The following MAPK8IP2 variants were observed in gnomAD, a reference collection of about 807,000 sequenced individuals.
The protein encoded by MAPK8IP2 is mitogen-activated protein kinase 8 interacting protein 2.
Under a neutral mutation model 75.6 loss-of-function variants are expected in MAPK8IP2, and 15 were observed. The ratio of observed to expected loss-of-function variants is 0.20; its 90% CI spans 0.13 to 0.31. MAPK8IP2 has a LOEUF of 0.31. MAPK8IP2 is among the 10% of genes least tolerant of loss of function. The probability of loss-of-function intolerance (pLI) is 1.00; values close to 1 mark genes in which losing one functional copy is unlikely to be tolerated. For missense variants in MAPK8IP2, 1,089 were observed against 1,211.2 expected (o/e 0.90, Z 1.50); for synonymous variants, 632 against 554.5 (o/e 1.14, Z -1.96).
At chr22:50,603,567 C>T (rs1346992850) in intron 3 of MAPK8IP2, 59 bp from the exon 4 acceptor site, 4 of 1,580,602 alleles carry the variant, frequency 2.5e-6, no homozygotes, top group African/African-American at 1.3e-5. Flanking sequence ...GCAGCCAGCC[C>T]TGCTCACCCC....
At chr22:50,606,573 G>T (rs1421343528) in intron 8 of MAPK8IP2, 85 bp from the exon 9 acceptor site, 2 of 916,138 alleles carry the variant, frequency 2.2e-6, no homozygotes, top group African/African-American at 3.3e-5. Context: ...TAAGCTAAAA[G>T]GAGCAGAGGC....
intron 8 of MAPK8IP2, 47 bp downstream of exon 8, chr22:50,605,981 G>C: frequency 7.0e-7 from 1 of 1,423,966 alleles, no homozygotes. Flanking sequence ...CCGCTTGGCG[G>C]CCACACCAGC....
At chr22:50,602,251 C>T (rs1174941088) in intron 2 of MAPK8IP2, among the ~76,000 whole-genome samples, 2 of 152,218 alleles carry the variant, frequency 1.3e-5, no homozygotes, top group African/African-American at 4.8e-5. Flanking sequence ...CAGCCCTGTG[C>T]CCTCGTCTGC....
In MAPK8IP2 at chr22:50,605,544, C is replaced by T. The variant is rs554565141; in HGVS notation, c.1842-18C>T. The T allele has an allele frequency of 8.6e-7, 1 of 1,163,290 alleles. No individual in the cohort carries two copies. The highest frequency in any genetic ancestry group is 1.2e-5 in the South Asian group (1 of 80,416). The allele number at this position is 1,163,290 out of a possible 1,614,324, so 72.1% of individuals were successfully genotyped here. A position where few individuals can be genotyped will look rare whatever the true frequency, so the allele number is the denominator to read the frequency against. On this transcript the variant is annotated intron_variant, in intron 6 of 11. Transcript: ENST00000329492. Reference sequence around the variant, plus strand: ...TCAATCCCGCCCCCCTCCCCAGTGACCTCTCCCCCAACGGCAGGTTCATCC... The same window carrying T: ...TCAATCCCGCCCCCCTCCCCAGTGATCTCTCCCCCAACGGCAGGTTCATCC...
rs766821323 is a variant in MAPK8IP2, at chr22:50,600,830, C to G, written c.12C>G (p.Arg4=). 3 of 1,300,456 alleles carry G rather than the reference C, an allele frequency of 2.3e-6. No individual in the cohort carries two copies. Among genetic ancestry groups the G allele is most frequent in the South Asian group, 2.7e-5 (2 of 72,732 alleles). 80.6% of individuals were successfully genotyped at this position (1,300,456 alleles called of 1,614,324 possible). A position where few individuals can be genotyped will look rare whatever the true frequency, so the allele number is the denominator to read the frequency against. ...CTCTCCCGGAGAAGATGGCGGATCG[C>G]GCGGAGATGTTTTCTCTCTCCACCT... MAD[R]AEMFSLSTFH... Residue 4 remains arginine, a synonymous_variant, in exon 1 of 12, where the codon CGC becomes CGG. Coordinates refer to ENST00000329492, the MANE Select transcript of MAPK8IP2 (RefSeq NM_012324.6).
chr22:50,605,242 C>T (rs968120153), intron 5 of MAPK8IP2, 126 bp from the exon 6 acceptor site: 4 of 1,133,554 alleles, frequency 3.5e-6, no homozygotes, highest in South Asian at 2.8e-5. Flanking sequence ...TCAGCTCCTT[C>T]CCGCTCGTAG....
At chr22:50,605,530 C>A in intron 6 of MAPK8IP2, 32 bp from the exon 7 acceptor site, 1 of 872,520 alleles carries the variant, frequency 1.1e-6, no homozygotes. Context: ...CAATCCCGCC[C>A]CCCTCCCCAG....
intron 8 of MAPK8IP2, 121 bp downstream of exon 8, chr22:50,606,055 C>G (rs2071044256): frequency 1.2e-6 from 1 of 832,092 alleles, no homozygotes; most frequent in Non-Finnish European, 1.9e-6. Flanking sequence ...CAGGGAGGGT[C>G]TGGGGGATGC....
intron 10 of MAPK8IP2, among the ~76,000 whole-genome samples, chr22:50,608,903 A>T (rs564093771): frequency 6.6e-6 from 1 of 152,316 alleles, no homozygotes; most frequent in South Asian, 2.1e-4. Context: ...AGAATGACCC[A>T]AATTTCTCAT....
chr22:50,610,542 A>G lies in MAPK8IP2; in HGVS notation c.2403-165A>G, dbSNP rs2071131206. Among the ~76,000 whole-genome samples, 1 of 152,022 alleles carries G rather than the reference A, an allele frequency of 6.6e-6. No homozygotes were observed. The highest frequency in any genetic ancestry group is 1.5e-5 in the Non-Finnish European group (1 of 67,988). On this transcript the variant is annotated intron_variant, in intron 11 of 11. Transcript: ENST00000329492. This position sits in a 1 kb window ranked among gnomAD's most constrained non-coding sequence, Gnocchi z 4.3. Reference sequence around the variant, plus strand: ...CTGGCAGGGGTAGAATTGCTGGGCCAGGAGAGCTGAGGGTCACACTTGGGG... The same window carrying G: ...CTGGCAGGGGTAGAATTGCTGGGCCGGGAGAGCTGAGGGTCACACTTGGGG...
At position 50,604,831 on chromosome 22, in the gene MAPK8IP2, A is replaced by G; in HGVS notation, c.1532A>G (p.Tyr511Cys). ...TCGCTGGTGTACGACGCGGTCAAGT[A>G]CACGCTGGTGGTGGATGAGCACACG... ...DASLVYDAVK[Y>C]TLVVDEHTQL... Residue 511 changes from tyrosine (Y) to cysteine (C), a missense_variant, in exon 5 of 12, where the codon TAC (tyrosine) becomes TGC (cysteine). Tyr to Cys is a radical substitution (Grantham distance 194). Coordinates refer to ENST00000329492, the MANE Select transcript of MAPK8IP2 (RefSeq NM_012324.6). The G allele has an allele frequency of 1.3e-6, 2 of 1,575,014 alleles. No homozygotes were observed. The highest frequency in any genetic ancestry group is 1.7e-6 in the Non-Finnish European group (2 of 1,162,506).
Position 50,603,204 on chromosome 22 carries a change from A to C in MAPK8IP2, c.172-19A>C. The C allele has an allele frequency of 6.2e-7, 1 of 1,611,570 alleles. No homozygotes were observed. The highest frequency in any genetic ancestry group is 2.2e-5 in the East Asian group (1 of 44,796). On this transcript the variant is annotated intron_variant, in intron 2 of 11. Transcript: ENST00000329492. The stretch of plus-strand genomic sequence containing the variant: ...TGCTGCCCTCTGGCCCAGCCCTGCT[A>C]TCTCCCTCCGTCCTGCAGGACAGCC...
chr22:50,606,210 C>A (rs1466039745), intron 8 of MAPK8IP2, among the ~76,000 whole-genome samples: 4 of 152,220 alleles, frequency 2.6e-5, no homozygotes, highest in Admixed American at 2.6e-4. Flanking sequence ...TGCCATCAGC[C>A]CTTCCTCTTC....
rs1391227453 is a variant in MAPK8IP2, at chr22:50,610,276, C to G, written c.2368C>G (p.Gln790Glu). The part of the protein sequence containing the change: ...SRFACHVFVS[Q>E]ESMRPVAQSV... ...CTTCGCCTGCCACGTCTTTGTCTCCCAGGAGTCCATGAGGCCGGTGGCGCA... is the reference window on the plus strand; with the variant it reads ...CTTCGCCTGCCACGTCTTTGTCTCCGAGGAGTCCATGAGGCCGGTGGCGCA... Residue 790 changes from glutamine (Q) to glutamate (E), a missense_variant, in exon 11 of 12, where the codon CAG becomes GAG. Physicochemically the swap from Gln to Glu is conservative, Grantham distance 29. Transcript: ENST00000329492. This position sits in a 1 kb window ranked among gnomAD's most constrained non-coding sequence, Gnocchi z 4.3. 2.5e-6 allele frequency: 4 copies of G among 1,609,068 alleles called. No individual in the cohort carries two copies. Among genetic ancestry groups the G allele is most frequent in the Non-Finnish European group, 3.4e-6 (4 of 1,177,756 alleles).
At chr22:50,606,817 C>T (rs1325757512) in intron 9 of MAPK8IP2, 52 bp downstream of exon 9, 23 of 1,588,608 alleles carry the variant, frequency 1.4e-5, no homozygotes, top group African/African-American at 9.4e-5. Context: ...GGTTAGGCCA[C>T]GGAGTCCGAC....
intron 1 of MAPK8IP2, chr22:50,601,289 C>A (rs1056672810): frequency 6.3e-6 from 1 of 157,954 alleles, no homozygotes; most frequent in Non-Finnish European, 1.4e-5. Context: ...AGGGCCCGGC[C>A]GGGAGAGAGT....
Position 50,607,946 on chromosome 22 carries a change from T to TAGAG in MAPK8IP2, c.2303+955_2303+956insAGAG, listed in dbSNP as rs1491364055. Among the ~76,000 whole-genome samples, 1 of 152,090 alleles carries TAGAG rather than the reference T, an allele frequency of 6.6e-6. No individual in the cohort carries two copies. Among genetic ancestry groups the TAGAG allele is most frequent in the Non-Finnish European group, 1.5e-5 (1 of 67,992 alleles). On this transcript the variant is annotated intron_variant, in intron 10 of 11. Coordinates refer to ENST00000329492, the MANE Select transcript of MAPK8IP2 (RefSeq NM_012324.6). The surrounding 1 kb of genome is among the most constrained non-coding windows in gnomAD (Gnocchi z 5.6). Reference sequence around the variant, plus strand: ...CCTCCAGGCACAGGCCCCTGCCCTCTGTGTCCCAGCACCCTAGAGGAAGGA... The same window carrying TAGAG: ...CCTCCAGGCACAGGCCCCTGCCCTCTAGAGGTGTCCCAGCACCCTAGAGGAAGGA...
rs781294936 is a variant in MAPK8IP2 at position 50,603,120 on chromosome 22, T to C, written c.172-103T>C. 1.9e-6 allele frequency: 3 copies of C among 1,592,760 alleles called. No homozygotes were observed. The South Asian group carries it at 3.4e-5, about 18-fold the overall frequency. ...AGGGGCAGAGTGAGCTGGAAGGGGCTCTCCTTTGACTGATGCTCCCCGATT... is the reference window on the plus strand; with the variant it reads ...AGGGGCAGAGTGAGCTGGAAGGGGCCCTCCTTTGACTGATGCTCCCCGATT... On this transcript the variant is annotated intron_variant, in intron 2 of 11. Transcript: ENST00000329492.
chr22:50,605,304 C>A, intron 5 of MAPK8IP2, 64 bp from the exon 6 acceptor site: 1 of 1,505,262 alleles, frequency 6.6e-7, no homozygotes, highest in Non-Finnish European at 9.2e-7. Flanking sequence ...AAGGCCAGGC[C>A]TCTAAGCACT....
Sources: gnomAD v4.1 joint callset for allele counts (sites outside exome capture counted in the v4.1 genomes callset) on GRCh38, gnomAD v4.1.1 for gene constraint, Gnocchi (gnomAD v3.1) non-coding constraint, MANE v1.5 for transcripts, NCBI Gene and HGNC (gene_info 2026-07-23, HGNC 2026-07-21) for gene names.